IL1RAPL2: variants seen among roughly 807,000 people sequenced by gnomAD.
The protein encoded by IL1RAPL2 is X-linked interleukin-1 receptor accessory protein-like 2.
IL1RAPL2 carries 3 observed loss-of-function variants against 44.1 expected under a neutral mutation model. The observed-to-expected ratio is 0.07, with a 90% CI of 0.03 to 0.18. The LOEUF (loss-of-function observed/expected upper bound fraction) is 0.18. Among genes scored for constraint, IL1RAPL2 ranks in the 10% least tolerant of loss-of-function variants. The pLI, the probability that IL1RAPL2 is intolerant of heterozygous loss-of-function variation, is 1.00. For synonymous variants in IL1RAPL2, 181 were observed against 178.8 expected, an observed-to-expected ratio of 1.01 and a Z score of -0.10; for missense variants, 391 against 496.4, an observed-to-expected ratio of 0.79 and a Z score of 2.02.
At chrX:105,032,578 G>C (rs2031528581) in intron 2 of IL1RAPL2, among the ~76,000 whole-genome samples, 1 of 112,015 alleles carries the variant, frequency 8.9e-6, no homozygotes, top group Non-Finnish European at 1.9e-5. Flanking sequence ...TAATTGCACT[G>C]TGGTCTGAGA....
At chrX:105,350,496 G>T (rs923281340) in intron 5 of IL1RAPL2, among the ~76,000 whole-genome samples, 2 of 112,212 alleles carry the variant, frequency 1.8e-5, no homozygotes, top group Non-Finnish European at 3.8e-5. Context: ...GGTCGAGGCG[G>T]GTGGATCGTC....
intron 2 of IL1RAPL2, among the ~76,000 whole-genome samples, chrX:105,097,330 C>CAAAAAAAAAAAAAAAAAAAAAAAAAAA (rs201390547): frequency 4.6e-5 from 2 of 43,180 alleles, no homozygotes; most frequent in African/African-American, 2.1e-4. Context: ...CAGTGTCAGA[C>CAAAAAAAAAAAAAAAAAAAAAAAAAAA]AAAAAAAAAA....
chrX:104,649,854 G>T (rs1311832457), intron 1 of IL1RAPL2, among the ~76,000 whole-genome samples: 1 of 111,622 alleles, frequency 9.0e-6, no homozygotes, highest in East Asian at 2.8e-4. Flanking sequence ...TGACATATCT[G>T]GTACTTTAAG....
intron 5 of IL1RAPL2, among the ~76,000 whole-genome samples, chrX:105,280,993 C>A (rs756461514): frequency 1.3e-4 from 14 of 111,402 alleles, no homozygotes; most frequent in Admixed American, 1.2e-3. Context: ...TTGCAGCACT[C>A]TTCACAATAG....
chrX:104,817,698 A>T (rs1175764106), intron 2 of IL1RAPL2, among the ~76,000 whole-genome samples: 4 of 111,948 alleles, frequency 3.6e-5, no homozygotes, highest in Non-Finnish European at 7.5e-5. Flanking sequence ...CAATTTTCTT[A>T]TCTATAAAAT....
chrX:105,419,977 G>A (rs1276481770), intron 5 of IL1RAPL2, among the ~76,000 whole-genome samples: 2 of 110,708 alleles, frequency 1.8e-5, no homozygotes, highest in Non-Finnish European at 3.8e-5. Flanking sequence ...ATGCGTATTT[G>A]TTACTGATAA....
intron 2 of IL1RAPL2, among the ~76,000 whole-genome samples, chrX:104,984,937 A>G (rs377230807): frequency 8.9e-6 from 1 of 112,036 alleles, no homozygotes; most frequent in East Asian, 2.8e-4. Flanking sequence ...ATGAAAACTT[A>G]TCATATTAAT....
rs1003066894 is a variant in IL1RAPL2, at chrX:104,893,949, C to G, written c.82+234954C>G. On this transcript the variant is annotated intron_variant, in intron 2 of 10. Coordinates refer to ENST00000372582, the MANE Select transcript of IL1RAPL2 (RefSeq NM_017416.2). ...CCGGTTGTTCCTTTCCATGTTTAGT[C>G]CCTCCTTCAGGAGCTCTTTTAGGGC... is the stretch of plus-strand genomic sequence containing the variant. Among the ~76,000 whole-genome samples, 163 of 111,401 alleles carry G rather than the reference C, an allele frequency of 1.5e-3. 1 individual carries two copies. Among genetic ancestry groups the G allele is most frequent in the African/African-American group, 4.9e-3 (150 of 30,611 alleles).
intron 1 of IL1RAPL2, among the ~76,000 whole-genome samples, chrX:104,650,233 A>G (rs1425223268): frequency 8.9e-6 from 1 of 111,868 alleles, no homozygotes; most frequent in Non-Finnish European, 1.9e-5. Flanking sequence ...AAAAAAAGTA[A>G]TTTTGAAATA....
intron 2 of IL1RAPL2, among the ~76,000 whole-genome samples, chrX:104,698,878 G>C (rs1007989162): frequency 7.2e-5 from 8 of 111,717 alleles, no homozygotes; most frequent in Non-Finnish European, 1.5e-4. Context: ...ATTAGTTAGG[G>C]TGAGGGCTAT....
chrX:104,756,344 C>A (rs1932339448), intron 2 of IL1RAPL2, among the ~76,000 whole-genome samples: 1 of 111,077 alleles, frequency 9.0e-6, no homozygotes, highest in South Asian at 3.8e-4. Context: ...ATTTAACTTG[C>A]CTCCAAATCA....
intron 3 of IL1RAPL2, among the ~76,000 whole-genome samples, chrX:105,208,869 T>C (rs2033785935): frequency 8.9e-6 from 1 of 111,968 alleles, no homozygotes; most frequent in Non-Finnish European, 1.9e-5. Flanking sequence ...CTCTCCTCCT[T>C]TTAAGCTCAA....
At chrX:104,676,021 T>A (rs1434571139) in intron 2 of IL1RAPL2, among the ~76,000 whole-genome samples, 2 of 107,546 alleles carry the variant, frequency 1.9e-5, no homozygotes, top group African/African-American at 3.4e-5. Context: ...TTTCCTGAAT[T>A]CAGCACACTG....
At chrX:105,006,583 G>C (rs1298295147) in intron 2 of IL1RAPL2, among the ~76,000 whole-genome samples, 1 of 110,897 alleles carries the variant, frequency 9.0e-6, no homozygotes, top group Non-Finnish European at 1.9e-5. Context: ...ACTAATCCTA[G>C]AGTTCTGAGC....
At chrX:104,802,174 G>C (rs934242182) in intron 2 of IL1RAPL2, among the ~76,000 whole-genome samples, 1 of 109,924 alleles carries the variant, frequency 9.1e-6, no homozygotes, top group Non-Finnish European at 1.9e-5. Flanking sequence ...GTGAAACCCT[G>C]TCTCTACTAA....
chrX:104,627,415 T>C (rs938346401), intron 1 of IL1RAPL2, among the ~76,000 whole-genome samples: 1 of 108,292 alleles, frequency 9.2e-6, no homozygotes, highest in African/African-American at 3.4e-5. Flanking sequence ...CACACCAACA[T>C]GGCACATGTA....
intron 2 of IL1RAPL2, among the ~76,000 whole-genome samples, chrX:105,083,436 T>C (rs2032439509): frequency 9.0e-6 from 1 of 111,111 alleles, no homozygotes. Flanking sequence ...ACATTCAAAT[T>C]CAGGAAATAC....
intron 6 of IL1RAPL2, among the ~76,000 whole-genome samples, chrX:105,700,658 G>GA (rs767372066): frequency 6.3e-5 from 7 of 110,547 alleles, no homozygotes; most frequent in African/African-American, 2.0e-4. Flanking sequence ...ATGTCATTAA[G>GA]AAAAAAGATA....
At chrX:105,611,569 C>T (rs2037336536) in intron 6 of IL1RAPL2, among the ~76,000 whole-genome samples, 1 of 111,761 alleles carries the variant, frequency 8.9e-6, no homozygotes, top group South Asian at 3.7e-4. Context: ...GTATTCAGTA[C>T]AGTAATATGC....
Sources: gnomAD v4.1 joint callset for allele counts (sites outside exome capture counted in the v4.1 genomes callset) on GRCh38, gnomAD v4.1.1 for gene constraint, MANE v1.5 for transcripts, NCBI Gene and HGNC (gene_info 2026-07-23, HGNC 2026-07-21) for gene names.